FARP1: variants seen among roughly 807,000 people sequenced by gnomAD.
FARP1 encodes FERM, ARH/RhoGEF and pleckstrin domain protein 1.
Under a neutral mutation model 128.8 loss-of-function variants are expected in FARP1, and 52 were observed. The ratio of observed to expected loss-of-function variants is 0.40; its 90% CI spans 0.32 to 0.51. The LOEUF (loss-of-function observed/expected upper bound fraction) is 0.51. FARP1 is among the 20% of genes least tolerant of loss of function. The probability of loss-of-function intolerance (pLI) is 0.45; values close to 1 mark genes in which losing one functional copy is unlikely to be tolerated. For missense variants in FARP1, 1,333 were observed against 1,367.9 expected (o/e 0.97, Z 0.40); for synonymous variants, 580 against 551.8 (o/e 1.05, Z -0.72).
At chr13:98,227,144 G>C (rs1594294226) in intron 2 of FARP1, among the ~76,000 whole-genome samples, 1 of 152,090 alleles carries the variant, frequency 6.6e-6, no homozygotes, top group Admixed American at 6.5e-5. Context: ...GGGTTTCACT[G>C]TGTTAGTCAG....
chr13:98,332,745 C>A (rs1165396699), intron 2 of FARP1: 1 of 152,142 alleles, frequency 6.6e-6, no homozygotes, highest in Non-Finnish European at 1.5e-5. Flanking sequence ...TGTCTGTAAA[C>A]AGAATAATTT....
At chr13:98,358,775 A>G (rs1693383940) in intron 3 of FARP1, among the ~76,000 whole-genome samples, 1 of 152,018 alleles carries the variant, frequency 6.6e-6, no homozygotes, top group African/African-American at 2.4e-5. Context: ...AGTTGGGACT[A>G]CAGGCACCTG....
At chr13:98,204,585 T>G (rs78232515) in intron 1 of FARP1, among the ~76,000 whole-genome samples, 1 of 51,956 alleles carries the variant, frequency 1.9e-5, no homozygotes, top group African/African-American at 3.5e-5. Flanking sequence ...CATTTACCTT[T>G]TGTTTTGCTG....
intron 2 of FARP1, among the ~76,000 whole-genome samples, chr13:98,255,478 G>A (rs1433889016): frequency 6.6e-6 from 1 of 151,802 alleles, no homozygotes; most frequent in East Asian, 1.9e-4. Flanking sequence ...TCAAGCCCGG[G>A]CAACAGAGTG....
chr13:98,211,406 G>T (rs1402616456), intron 1 of FARP1, among the ~76,000 whole-genome samples: 1 of 152,178 alleles, frequency 6.6e-6, no homozygotes, highest in African/African-American at 2.4e-5. Context: ...CTGATGATCT[G>T]AGGTGGAACC....
chr13:98,417,486 A>G (rs1330679718), intron 16 of FARP1, among the ~76,000 whole-genome samples: 89 of 137,576 alleles, frequency 6.5e-4, no homozygotes, highest in Non-Finnish European at 1.2e-3. Context: ...AAAAAAAAAG[A>G]ACACATGGGG....
At chr13:98,282,026 C>T (rs1279968802) in intron 2 of FARP1, among the ~76,000 whole-genome samples, 2 of 152,162 alleles carry the variant, frequency 1.3e-5, no homozygotes, top group Non-Finnish European at 1.5e-5. Context: ...ATGATGAGGC[C>T]GGGCGCAGTG....
rs1889767404 is a variant in FARP1 at position 98,379,145 on chromosome 13, A to ATATATAATATATAATC, written c.496+1240_496+1241insATCTATATAATATATA. Among the ~76,000 whole-genome samples, 4 of 55,396 alleles carry ATATATAATATATAATC rather than the reference A, an allele frequency of 7.2e-5. 2 individuals are homozygous for ATATATAATATATAATC. The African/African-American group carries it at 7.3e-4, about 10-fold the overall frequency. 36.3% of individuals were successfully genotyped at this position (55,396 alleles called of 152,430 possible). On this transcript the variant is annotated intron_variant, in intron 6 of 26. Coordinates refer to ENST00000319562, the MANE Select transcript of FARP1 (RefSeq NM_005766.4). ...ATAATATATATATAATATATAATCT[A>ATATATAATATATAATC]TATATAATATATATATAATATATAA...
At chr13:98,146,631 A>C (rs1875586422) in intron 1 of FARP1, among the ~76,000 whole-genome samples, 1 of 152,206 alleles carries the variant, frequency 6.6e-6, no homozygotes, top group Non-Finnish European at 1.5e-5. Context: ...TGAGAAATGC[A>C]CTTTCCTCAC....
chr13:98,172,402 T>C (rs1357757778), intron 1 of FARP1, among the ~76,000 whole-genome samples: 2 of 151,994 alleles, frequency 1.3e-5, no homozygotes, highest in African/African-American at 4.8e-5. Context: ...CCAGCTAGGT[T>C]TCTGGTCTCC....
In FARP1 at chr13:98,411,334, C is replaced by T. The variant is rs955493217; in HGVS notation, c.1692+511C>T. ...CCCCTGGATTCTGGGAAAGCACAAG[C>T]CAATTGGGAGGGAAATTGGGATCAC... On this transcript the variant is annotated intron_variant, in intron 15 of 26. Coordinates refer to ENST00000319562, the MANE Select transcript of FARP1 (RefSeq NM_005766.4). 2.9e-4 allele frequency among the ~76,000 whole-genome samples: 44 copies of T among 152,128 alleles called. 1 individual carries two copies. The highest frequency in any genetic ancestry group is 1.8e-3 in the Admixed American group (28 of 15,276).
At chr13:98,427,918 C>T (rs953039545) in intron 17 of FARP1, among the ~76,000 whole-genome samples, 1 of 152,008 alleles carries the variant, frequency 6.6e-6, no homozygotes, top group African/African-American at 2.4e-5. Context: ...TTTTTAATTG[C>T]TGTTTTTATT....
intron 24 of FARP1, 80 bp downstream of exon 24, chr13:98,440,916 T>A: frequency 7.1e-7 from 1 of 1,418,128 alleles, no homozygotes; most frequent in South Asian, 1.2e-5. Flanking sequence ...GGCCAGGGGC[T>A]TGAGGGAGGC....
At chr13:98,229,427 A>C (rs1363975475) in intron 2 of FARP1, among the ~76,000 whole-genome samples, 2 of 152,104 alleles carry the variant, frequency 1.3e-5, no homozygotes, top group Non-Finnish European at 1.5e-5. Context: ...GAGGCCTCTG[A>C]GTAACAATGT....
rs748706517 is a variant in FARP1 at position 98,319,517 on chromosome 13, G to A, written c.172-24245G>A. On this transcript the variant is annotated intron_variant, in intron 2 of 26. Coordinates refer to ENST00000319562, the MANE Select transcript of FARP1 (RefSeq NM_005766.4). The stretch of plus-strand genomic sequence containing the variant: ...CACCTGTAGTCCCAGCTACTCTGGC[G>A]GCTGAGGCAGGAGAATGGTGTGAAC... 1.3e-4 allele frequency among the ~76,000 whole-genome samples: 20 copies of A among 152,124 alleles called. 1 individual carries two copies. Among genetic ancestry groups the A allele is most frequent in the Admixed American group, 2.0e-4 (3 of 15,270 alleles).
intron 2 of FARP1, among the ~76,000 whole-genome samples, chr13:98,238,922 G>A (rs1882604956): frequency 6.6e-6 from 1 of 152,176 alleles, no homozygotes; most frequent in African/African-American, 2.4e-5. Flanking sequence ...CATTGTTCAA[G>A]GGCCAGCTGT....
chr13:98,391,390 C>T (rs1203282531), intron 11 of FARP1, among the ~76,000 whole-genome samples: 1 of 152,110 alleles, frequency 6.6e-6, no homozygotes, highest in Non-Finnish European at 1.5e-5. Flanking sequence ...TCAATCCTCC[C>T]ACCTCAGCCT....
At chr13:98,332,096 C>T (rs1301138693) in intron 2 of FARP1, among the ~76,000 whole-genome samples, 2 of 151,980 alleles carry the variant, frequency 1.3e-5, no homozygotes, top group Admixed American at 6.6e-5. Context: ...ATAACTTTAC[C>T]ATTTTAACCA....
chr13:98,395,131 G>T, intron 12 of FARP1, 96 bp from the exon 13 acceptor site: 1 of 1,444,248 alleles, frequency 6.9e-7, no homozygotes. Context: ...AGAGGCCTCG[G>T]GTGTTCTTGC....
Sources: gnomAD v4.1 joint callset for allele counts (sites outside exome capture counted in the v4.1 genomes callset) on GRCh38, gnomAD v4.1.1 for gene constraint, MANE v1.5 for transcripts, NCBI Gene and HGNC (gene_info 2026-07-23, HGNC 2026-07-21) for gene names.